SETBP1: variants seen among roughly 807,000 people sequenced by gnomAD.
SETBP1 encodes SET binding protein 1, also known as SET-binding protein.
Under a neutral mutation model 101.0 loss-of-function variants are expected in SETBP1, and 9 were observed. The ratio of observed to expected loss-of-function variants is 0.09; its 90% confidence interval spans 0.05 to 0.16. SETBP1 has a LOEUF of 0.16. SETBP1 is among the 10% of genes least tolerant of loss of function. The pLI is 1.00. For synonymous variants in SETBP1, 818 were observed against 788.5 expected (o/e 1.04, Z -0.63); for missense variants, 1,858 against 2,033.8 (o/e 0.91, Z 1.66).
intron 3 of SETBP1, among the ~76,000 whole-genome samples, chr18:44,888,967 A>C (rs1285316659): frequency 6.6e-6 from 1 of 152,134 alleles, no homozygotes; most frequent in Non-Finnish European, 1.5e-5. Context: ...CACTCCAGCA[A>C]GTGGAAGCTT....
Position 44,935,029 on chromosome 18 carries a change from C to T in SETBP1, c.541-14852C>T, listed in dbSNP as rs142540357. ...GCATTGTGATGGGAAGCCATCAGGA[C>T]ATGAACTTGTTCTTGCAGCACTACA... On this transcript the variant is annotated intron_variant, in intron 3 of 5. Transcript: ENST00000649279. Among the ~76,000 whole-genome samples the T allele has an allele frequency of 8.1e-3, 1,233 of 152,278 alleles. 21 individuals are homozygous for T. Among genetic ancestry groups the T allele is most frequent in the African/African-American group, 0.028 (1,157 of 41,534 alleles).
intron 2 of SETBP1, among the ~76,000 whole-genome samples, chr18:44,862,099 C>G (rs1330514475): frequency 1.3e-5 from 2 of 152,170 alleles, no homozygotes; most frequent in Non-Finnish European, 1.5e-5. Context: ...AGCAAATGTA[C>G]ACACCACTGT....
chr18:45,014,875 G>A (rs1351833492), intron 4 of SETBP1, among the ~76,000 whole-genome samples: 1 of 152,114 alleles, frequency 6.6e-6, no homozygotes, highest in Non-Finnish European at 1.5e-5. Flanking sequence ...ACATGAAAAG[G>A]TCTTAGAGAG....
intron 1 of SETBP1, among the ~76,000 whole-genome samples, chr18:44,695,962 C>T (rs955230210): frequency 6.6e-6 from 1 of 151,640 alleles, no homozygotes; most frequent in African/African-American, 2.4e-5. Flanking sequence ...TCTTTTGACT[C>T]CTGTTGAATA....
At chr18:44,771,804 C>T (rs904958962) in intron 2 of SETBP1, among the ~76,000 whole-genome samples, 7 of 152,160 alleles carry the variant, frequency 4.6e-5, no homozygotes, top group Admixed American at 3.9e-4. Flanking sequence ...GGAGGTGCAG[C>T]AAGAACAGAG....
At chr18:44,785,580 A>G (rs1217688491) in intron 2 of SETBP1, among the ~76,000 whole-genome samples, 1 of 152,174 alleles carries the variant, frequency 6.6e-6, no homozygotes, top group Admixed American at 6.5e-5. Context: ...GAAGAGGAGT[A>G]TGTTTATTGA....
chr18:44,932,328 C>T (rs1398161216), intron 3 of SETBP1, among the ~76,000 whole-genome samples: 3 of 152,212 alleles, frequency 2.0e-5, no homozygotes, highest in Admixed American at 6.5e-5. Flanking sequence ...TGATGGGCTT[C>T]CCTTTGTGGG....
chr18:44,802,696 C>T (rs1372760919), intron 2 of SETBP1, among the ~76,000 whole-genome samples: 1 of 152,094 alleles, frequency 6.6e-6, no homozygotes, highest in East Asian at 1.9e-4. Context: ...TGTGGTTTGT[C>T]TCACAAAATC....
intron 3 of SETBP1, among the ~76,000 whole-genome samples, chr18:44,894,321 A>G (rs2069841947): frequency 1.3e-5 from 2 of 152,112 alleles, no homozygotes; most frequent in South Asian, 4.1e-4. Context: ...TTTGTTTTAT[A>G]TGCTCCTCCC....
chr18:44,933,710 G>T (rs1157879452), intron 3 of SETBP1, among the ~76,000 whole-genome samples: 2 of 152,206 alleles, frequency 1.3e-5, no homozygotes, highest in Admixed American at 6.5e-5. Context: ...TGTTGTGCTA[G>T]CAGTGAGTGA....
At chr18:44,933,747 G>T (rs751627622) in intron 3 of SETBP1, among the ~76,000 whole-genome samples, 1 of 152,208 alleles carries the variant, frequency 6.6e-6, no homozygotes, top group East Asian at 1.9e-4. Context: ...TACCCTCCGA[G>T]CCAGGCACGG....
chr18:44,954,084 A>G lies in SETBP1; in HGVS notation c.4000+744A>G, dbSNP rs144595731. Among the ~76,000 whole-genome samples the G allele has an allele frequency of 3.9e-5, 6 of 152,230 alleles. No individual in the cohort carries two copies. In the East Asian group the frequency reaches 1.2e-3, roughly 29 times the overall value. On this transcript the variant is annotated intron_variant, in intron 4 of 5. Transcript: ENST00000649279. ...TGCCCACTAGAAAGGGATTTTGCTC[A>G]CTAATTTAAACTGAAATGCTGGTTG... is the stretch of plus-strand genomic sequence containing the variant.
intron 2 of SETBP1, among the ~76,000 whole-genome samples, chr18:44,868,414 G>T (rs189092194): frequency 3.3e-5 from 5 of 152,058 alleles, no homozygotes; most frequent in African/African-American, 1.2e-4. Flanking sequence ...AGAAAAAATG[G>T]TCGGGTGCAG....
intron 2 of SETBP1, among the ~76,000 whole-genome samples, chr18:44,868,926 G>C (rs888021355): frequency 6.6e-6 from 1 of 152,156 alleles, no homozygotes; most frequent in Non-Finnish European, 1.5e-5. Context: ...AGGGAGCCAT[G>C]GACCTGATGA....
intron 2 of SETBP1, among the ~76,000 whole-genome samples, chr18:44,720,902 C>CA (rs1340982983): frequency 1.1e-4 from 8 of 74,260 alleles, no homozygotes; most frequent in African/African-American, 3.8e-4. Context: ...AGCCCTCCAA[C>CA]CCCCACCCCC....
chr18:45,038,890 T>G (rs1043249981), intron 5 of SETBP1, among the ~76,000 whole-genome samples: 2 of 152,234 alleles, frequency 1.3e-5, no homozygotes, highest in African/African-American at 4.8e-5. Flanking sequence ...CATTTTATTC[T>G]AATATGGGTC....
chr18:44,722,203 G>T (rs980570924), intron 2 of SETBP1, among the ~76,000 whole-genome samples: 25 of 152,280 alleles, frequency 1.6e-4, no homozygotes, highest in African/African-American at 5.5e-4. Context: ...TGTTTGGGGG[G>T]CCTGGATTTG....
intron 2 of SETBP1, among the ~76,000 whole-genome samples, chr18:44,795,841 T>C (rs530670234): frequency 6.6e-6 from 1 of 152,278 alleles, no homozygotes; most frequent in East Asian, 1.9e-4. Context: ...CACAGAGATA[T>C]TGTCAGTCTT....
At chr18:44,868,756 AAGGAAG>A (rs2069198547) in intron 2 of SETBP1, among the ~76,000 whole-genome samples, 2 of 81,468 alleles carry the variant, frequency 2.5e-5, no homozygotes, top group Non-Finnish European at 5.6e-5. Context: ...GGAAGGAAGG[AAGGAAG>A]GAAGGAAGGA....
Sources: allele counts gnomAD v4.1 joint callset (sites outside exome capture counted in the v4.1 genomes callset), GRCh38; gene constraint gnomAD v4.1.1; transcripts MANE v1.5; gene names NCBI Gene and HGNC (gene_info 2026-07-23, HGNC 2026-07-21).